Variants in SPEN observed in about 807,000 individuals in gnomAD.
SPEN encodes spen family transcriptional repressor.
A neutral mutation model predicts 269.9 loss-of-function variants in SPEN; 18 were observed. That is an observed-to-expected ratio of 0.07 (90% CI 0.05 to 0.10). SPEN has a LOEUF of 0.10. SPEN is among the 10% of genes least tolerant of loss of function. The pLI, the probability that SPEN is intolerant of heterozygous loss-of-function variation, is 1.00. For synonymous variants in SPEN, 1,726 were observed against 1,765.7 expected, an observed-to-expected ratio of 0.98 and a Z score of 0.56; for missense variants, 3,822 against 4,631.2, an observed-to-expected ratio of 0.83 and a Z score of 5.07.
At chr1:15,856,489 T>C (rs2070389366) in intron 1 of SPEN, among the ~76,000 whole-genome samples, 2 of 152,106 alleles carry the variant, frequency 1.3e-5, no homozygotes, top group Admixed American at 1.3e-4. Flanking sequence ...TATTTTATAT[T>C]ACAGTTTTTG....
rs1569993344 is a variant in SPEN, at chr1:15,876,635, A to G, written c.838A>G (p.Ser280Gly). 6.2e-7 allele frequency: 1 copy of G among 1,613,732 alleles called. No homozygotes were observed. Among genetic ancestry groups the G allele is most frequent in the East Asian group, 2.2e-5 (1 of 44,882 alleles). The change falls in exon 3 of 15, where the codon AGT becomes GGT. Residue 280 changes from serine (S) to glycine (G), a missense_variant. Ser to Gly is a moderately conservative substitution (Grantham distance 56). Coordinates refer to ENST00000375759, the MANE Select transcript of SPEN (RefSeq NM_015001.3). ...SGSGSRSRSS[S>G]SDSISSSSST... ...CAGCGGCTCTAGAAGTAGATCCTCC[A>G]GTAGTGATTCAATCAGCAGCAGCAG... is the stretch of plus-strand genomic sequence containing the variant.
At chr1:15,894,729 G>A (rs1298049328) in intron 3 of SPEN, among the ~76,000 whole-genome samples, 1 of 151,402 alleles carries the variant, frequency 6.6e-6, no homozygotes, top group African/African-American at 2.4e-5. Flanking sequence ...TAGTAGAGAC[G>A]GGGTTTCACC....
At chr1:15,891,456 A>T (rs6689463) in intron 3 of SPEN, among the ~76,000 whole-genome samples, 1 of 149,808 alleles carries the variant, frequency 6.7e-6, no homozygotes, top group Non-Finnish European at 1.5e-5. Flanking sequence ...GGTTCACGCC[A>T]TTCTCCTGCC....
intron 3 of SPEN, among the ~76,000 whole-genome samples, chr1:15,905,626 G>A (rs961774167): frequency 6.6e-6 from 1 of 151,726 alleles, no homozygotes; most frequent in African/African-American, 2.4e-5. Context: ...AGGCTGGAGT[G>A]GAGTAGTGCA....
At chr1:15,926,414 T>C (rs974165810) in intron 10 of SPEN, among the ~76,000 whole-genome samples, 3 of 139,256 alleles carry the variant, frequency 2.2e-5, no homozygotes, top group Non-Finnish European at 3.2e-5. Flanking sequence ...CACACACACA[T>C]TTATAAATAT....
At chr1:15,873,438 T>C in intron 2 of SPEN, 1 of 1,090,228 alleles carries the variant, frequency 9.2e-7, no homozygotes, top group Non-Finnish European at 1.1e-6. Context: ...TCTTGGATAA[T>C]GTTAAGTCCT....
intron 9 of SPEN, among the ~76,000 whole-genome samples, chr1:15,921,961 G>C (rs1557755985): frequency 1.3e-5 from 2 of 152,100 alleles, no homozygotes; most frequent in Non-Finnish European, 2.9e-5. Context: ...GGATTTAGTT[G>C]ATCTGATTAC....
intron 10 of SPEN, among the ~76,000 whole-genome samples, chr1:15,924,738 A>T (rs1457450048): frequency 6.6e-6 from 1 of 152,130 alleles, no homozygotes; most frequent in Non-Finnish European, 1.5e-5. Context: ...GGGATTACAG[A>T]TGTGAGCCAC....
intron 1 of SPEN, among the ~76,000 whole-genome samples, chr1:15,849,149 T>C (rs1054352220): frequency 6.6e-6 from 1 of 152,238 alleles, no homozygotes; most frequent in African/African-American, 2.4e-5. Context: ...GACGATTGGC[T>C]TGGACTTGGT....
rs775785695 is a variant in SPEN, at chr1:15,937,546, ACTGGTT to A, written c.10414_10419del (p.Val3472_Leu3473del). The A allele has an allele frequency of 1.2e-6, 2 of 1,614,102 alleles. No individual in the cohort carries two copies. The highest frequency in any genetic ancestry group is 1.7e-6 in the Non-Finnish European group (2 of 1,180,010). ...CCTCTGGCCCCAGCACCCCACCAGG[ACTGGTT>A]CTGCCACACACTGAATTCCAGCCAG... On this transcript the variant is annotated inframe_deletion, in exon 12 of 15. Transcript: ENST00000375759. The surrounding 1 kb of genome is among the most constrained non-coding windows in gnomAD (Gnocchi z 5.7).
At chr1:15,850,636 TAAGTGGACCTTGTTTGGAGGA>T (rs2070326695) in intron 1 of SPEN, among the ~76,000 whole-genome samples, 1 of 152,224 alleles carries the variant, frequency 6.6e-6, no homozygotes. Flanking sequence ...GCTGTGGAGC[TAAGTGGACCTTGTTTGGAGGA>T]ACTCAAGGCC....
At chr1:15,903,347 A>T (rs982380310) in intron 3 of SPEN, among the ~76,000 whole-genome samples, 1 of 152,346 alleles carries the variant, frequency 6.6e-6, no homozygotes, top group African/African-American at 2.4e-5. Flanking sequence ...ATTACAAATT[A>T]TAAGAAATAA....
rs2071249006 is a variant in SPEN, at chr1:15,933,994, AAAC to A, written c.7756_7758del (p.Thr2586del). On this transcript the variant is annotated inframe_deletion, in exon 11 of 15. Coordinates refer to ENST00000375759, the MANE Select transcript of SPEN (RefSeq NM_015001.3). This position sits in a 1 kb window ranked among gnomAD's most constrained non-coding sequence, Gnocchi z 5.7. ...GACTCTAAAAAGCCTTTAGAAGAAA[AAAC>A]AGCACCTCCAGTGACAAACAACTCT... 1.2e-6 allele frequency: 2 copies of A among 1,613,952 alleles called. No homozygotes were observed. The highest frequency in any genetic ancestry group is 1.7e-6 in the Non-Finnish European group (2 of 1,179,970).
chr1:15,873,446 C>A lies in SPEN; in HGVS notation c.404+310C>A, dbSNP rs867443512. The A allele has an allele frequency of 5.3e-5, 57 of 1,076,166 alleles. 1 individual carries two copies. In the South Asian group the frequency reaches 1.5e-3, roughly 28 times the overall value. 66.7% of individuals were successfully genotyped at this position (1,076,166 alleles called of 1,614,324 possible). On this transcript the variant is annotated intron_variant, in intron 2 of 14. Transcript: ENST00000375759. ...TTCCTTCTCTTGGATAATGTTAAGTCCTTCCTTGGATATATCCCTTCTACC... is the reference window on the plus strand; with the variant it reads ...TTCCTTCTCTTGGATAATGTTAAGTACTTCCTTGGATATATCCCTTCTACC...
chr1:15,914,648 C>A (rs890740083), intron 5 of SPEN, among the ~76,000 whole-genome samples: 1 of 152,076 alleles, frequency 6.6e-6, no homozygotes, highest in Non-Finnish European at 1.5e-5. Flanking sequence ...CATGGCGAAA[C>A]CCCGTCTCTA....
rs2071219369 is a variant in SPEN, at chr1:15,931,403, A to G, written c.5163A>G (p.Glu1721=). The G allele has an allele frequency of 1.2e-6, 2 of 1,614,026 alleles. No individual in the cohort carries two copies. Among genetic ancestry groups the G allele is most frequent in the Non-Finnish European group, 1.7e-6 (2 of 1,180,032 alleles). Residue 1721 remains glutamate (E), a synonymous_variant, in exon 11 of 15, where the codon GAA becomes GAG. Transcript: ENST00000375759. This position sits in a 1 kb window ranked among gnomAD's most constrained non-coding sequence, Gnocchi z 4.8. ...EAAMMPAGVE[E]GSSGDQPPYL... ...CCATGATGCCTGCGGGTGTTGAGGA[A>G]GGTTCATCAGGTGACCAGCCGCCTT...
chr1:15,869,750 G>A lies in SPEN; in HGVS notation c.84-3066G>A, dbSNP rs550288783. Among the ~76,000 whole-genome samples the A allele has an allele frequency of 3.9e-5, 6 of 152,254 alleles. No homozygotes were observed. The South Asian group carries it at 8.3e-4, about 21-fold the overall frequency. On this transcript the variant is annotated intron_variant, in intron 1 of 14. Transcript: ENST00000375759. ...TTACAGGTGTGTGCCACCACGTGGC[G>A]TGTTGTCTCTACTGTTACAGGTAGC...
chr1:15,930,442 G>A lies in SPEN; in HGVS notation c.4202G>A (p.Ser1401Asn), dbSNP rs746483518. The A allele has an allele frequency of 1.9e-6, 3 of 1,614,184 alleles. No individual in the cohort carries two copies. In the South Asian group the frequency reaches 3.3e-5, roughly 18 times the overall value. Residue 1401 changes from serine (S) to asparagine (N), a missense_variant, in exon 11 of 15, where the codon AGT becomes AAT. Coordinates refer to ENST00000375759, the MANE Select transcript of SPEN (RefSeq NM_015001.3). The surrounding 1 kb of genome is among the most constrained non-coding windows in gnomAD (Gnocchi z 5.3). The stretch of plus-strand genomic sequence containing the variant: ...CCCAGAGCCTCTGCATTATATGAAA[G>A]TTCTCGATTGTCTTTTTTATTGAGG... ...HSPRASALYE[S>N]SRLSFLLRDR...
At position 15,937,266 on chromosome 1, in the gene SPEN, C is replaced by T; in HGVS notation, c.10130C>T (p.Pro3377Leu). 6.2e-7 allele frequency: 1 copy of T among 1,613,890 alleles called. No homozygotes were observed. The highest frequency in any genetic ancestry group is 8.5e-7 in the Non-Finnish European group (1 of 1,179,998). Residue 3377 changes from proline (P) to leucine (L), a missense_variant, in exon 12 of 15, where the codon CCC becomes CTC. Physicochemically the swap from Pro to Leu is moderately conservative, Grantham distance 98. This residue lies in a region of SPEN where 359 missense variants were observed against 377.3 expected (regional missense o/e 0.95). Transcript: ENST00000375759. The surrounding 1 kb of genome is among the most constrained non-coding windows in gnomAD (Gnocchi z 5.7). ...PPCPPSQLGQ[P>L]GQPPSSKMPQ... ...TGCCCGCCCTCCCAGCTCGGTCAGC[C>T]CGGCCAGCCACCAAGCAGCAAGATG...
Sources: allele counts gnomAD v4.1 joint callset (sites outside exome capture counted in the v4.1 genomes callset), GRCh38; gene constraint gnomAD v4.1.1; regional missense constraint gnomAD v4.1.1; non-coding constraint Gnocchi (gnomAD v3.1); transcripts MANE v1.5; gene names NCBI Gene and HGNC (gene_info 2026-07-23, HGNC 2026-07-21).